The following EVI5 variants were observed in gnomAD, a reference collection of about 807,000 sequenced individuals.
EVI5 encodes ecotropic viral integration site 5, also known as ecotropic viral integration site 5 protein homolog.
A neutral mutation model predicts 112.0 loss-of-function variants in EVI5; 73 were observed. The observed-to-expected ratio is 0.65, with a 90% confidence interval of 0.54 to 0.79. The LOEUF (loss-of-function observed/expected upper bound fraction) is 0.79, where lower values mean the gene tolerates loss of function less well. EVI5 is among the 30% of genes least tolerant of loss of function. The pLI is 0.00. For synonymous variants in EVI5, 305 were observed against 319.9 expected (o/e 0.95, Z 0.50); for missense variants, 900 against 968.8 (o/e 0.93, Z 0.94).
chr1:92,519,250 T>C (rs1660460421), intron 19 of EVI5, among the ~76,000 whole-genome samples: 1 of 152,124 alleles, frequency 6.6e-6, no homozygotes, highest in East Asian at 1.9e-4. Flanking sequence ...AAGGGAATCA[T>C]CCCTAGGGTA....
At chr1:92,665,843 G>T (rs980643942) in intron 11 of EVI5, 96 bp downstream of exon 11, 21 of 794,370 alleles carry the variant, frequency 2.6e-5, no homozygotes, top group Non-Finnish European at 4.2e-5. Context: ...CTACAACATA[G>T]GAGACATGTG....
chr1:92,751,402 A>G (rs985124242), intron 1 of EVI5, among the ~76,000 whole-genome samples: 2 of 152,180 alleles, frequency 1.3e-5, no homozygotes. Flanking sequence ...AGCATATCAC[A>G]TGTGCTATCA....
chr1:92,768,368 A>C (rs1194232503), intron 1 of EVI5, among the ~76,000 whole-genome samples: 1 of 152,184 alleles, frequency 6.6e-6, no homozygotes, highest in Non-Finnish European at 1.5e-5. Context: ...TAAATCTGAT[A>C]ATATTAAAGG....
At chr1:92,688,758 C>G (rs1325472901) in intron 9 of EVI5, among the ~76,000 whole-genome samples, 3 of 152,170 alleles carry the variant, frequency 2.0e-5, no homozygotes, top group Non-Finnish European at 2.9e-5. Flanking sequence ...TGAAGACATA[C>G]GGGTTAGGTA....
At chr1:92,769,968 TGA>T (rs1683150697) in intron 1 of EVI5, among the ~76,000 whole-genome samples, 2 of 152,130 alleles carry the variant, frequency 1.3e-5, no homozygotes, top group Non-Finnish European at 2.9e-5. Context: ...TAAGTCTTTA[TGA>T]GAGAGAAAAC....
chr1:92,591,080 A>G (rs892328854), intron 18 of EVI5, among the ~76,000 whole-genome samples: 2 of 152,194 alleles, frequency 1.3e-5, no homozygotes, highest in African/African-American at 4.8e-5. Context: ...CTTTGTCACC[A>G]CCAGGCCTGC....
intron 12 of EVI5, 33 bp from the exon 13 acceptor site, chr1:92,662,898 T>C (rs1664261239): frequency 1.6e-6 from 2 of 1,221,508 alleles, no homozygotes; most frequent in Non-Finnish European, 2.1e-6. Context: ...TGTAAAGCAA[T>C]TTAGGATAGA....
intron 11 of EVI5, among the ~76,000 whole-genome samples, chr1:92,665,103 G>T (rs1221195550): frequency 1.3e-5 from 2 of 152,162 alleles, no homozygotes; most frequent in African/African-American, 4.8e-5. Context: ...TACTCAGGAG[G>T]CTGAGGCAGG....
intron 18 of EVI5, among the ~76,000 whole-genome samples, chr1:92,574,006 T>C (rs949795354): frequency 7.2e-5 from 11 of 152,134 alleles, no homozygotes; most frequent in African/African-American, 2.7e-4. Flanking sequence ...ATGAATCTTA[T>C]TTTCTAACCT....
intron 1 of EVI5, among the ~76,000 whole-genome samples, chr1:92,783,108 ACCGCAC>A (rs1685076014): frequency 6.6e-6 from 1 of 152,166 alleles, no homozygotes; most frequent in Admixed American, 6.6e-5. Flanking sequence ...TGCGTGAGCC[ACCGCAC>A]CCAGACCACC....
intron 19 of EVI5, among the ~76,000 whole-genome samples, chr1:92,550,887 C>A (rs1304472420): frequency 2.4e-5 from 3 of 122,994 alleles, no homozygotes; most frequent in Non-Finnish European, 4.9e-5. Flanking sequence ...TTAAGAAAAT[C>A]AATATTCAGG....
At chr1:92,578,561 A>G (rs1161193816) in intron 18 of EVI5, among the ~76,000 whole-genome samples, 1 of 152,030 alleles carries the variant, frequency 6.6e-6, no homozygotes, top group Non-Finnish European at 1.5e-5. Context: ...TAAACAAAAT[A>G]CAAAAAATTA....
chr1:92,562,375 C>CA (rs1299607724), intron 19 of EVI5, among the ~76,000 whole-genome samples: 1 of 151,894 alleles, frequency 6.6e-6, no homozygotes, highest in East Asian at 1.9e-4. Context: ...TAAAAAAATA[C>CA]AAAAAATTAG....
At chr1:92,756,450 T>C in intron 1 of EVI5, 1 of 539,952 alleles carries the variant, frequency 1.9e-6, no homozygotes, top group Non-Finnish European at 3.8e-6. Flanking sequence ...TCGAGGATTA[T>C]ACTTCGTCTT....
intron 18 of EVI5, among the ~76,000 whole-genome samples, chr1:92,586,136 C>T (rs1372789641): frequency 6.6e-6 from 1 of 152,142 alleles, no homozygotes; most frequent in African/African-American, 2.4e-5. Flanking sequence ...AGGGTATGTA[C>T]TATCAGTGTA....
chr1:92,640,352 C>T (rs1423751573), intron 13 of EVI5, among the ~76,000 whole-genome samples: 2 of 152,188 alleles, frequency 1.3e-5, no homozygotes, highest in Non-Finnish European at 2.9e-5. Flanking sequence ...TTTTTGCAAT[C>T]TACCCATCTG....
intron 18 of EVI5, among the ~76,000 whole-genome samples, chr1:92,597,268 T>C (rs1262176195): frequency 1.3e-5 from 2 of 152,208 alleles, no homozygotes; most frequent in East Asian, 3.8e-4. Flanking sequence ...ATATGTCATA[T>C]TTATTTTTGC....
At position 92,585,852 on chromosome 1, in the gene EVI5, GT is replaced by G. The variant is rs74771891; in HGVS notation, c.2070+19454del. The stretch of plus-strand genomic sequence containing the variant: ...TTCCTTTGCCTTTGTTTTTTAACCT[GT>G]TTTTTTTTTTTCCTGTTTCTAGAAT... On this transcript the variant is annotated intron_variant, in intron 18 of 19. Coordinates refer to ENST00000684568, the MANE Select transcript of EVI5 (RefSeq NM_001350197.2). Among the ~76,000 whole-genome samples the G allele has an allele frequency of 3.9e-3, 544 of 140,650 alleles. 3 individuals carry two copies. Among genetic ancestry groups the G allele is most frequent in the Middle Eastern group, 0.015 (4 of 264 alleles). 92.3% of individuals were successfully genotyped at this position (140,650 alleles called of 152,430 possible).
chr1:92,683,777 G>A (rs1046982643), intron 9 of EVI5, among the ~76,000 whole-genome samples: 5 of 152,114 alleles, frequency 3.3e-5, no homozygotes. Context: ...AGCTTCAATA[G>A]TTGATTCGAT....
Sources: gnomAD v4.1 joint callset for allele counts (sites outside exome capture counted in the v4.1 genomes callset) on GRCh38, gnomAD v4.1.1 for gene constraint, MANE v1.5 for transcripts, NCBI Gene and HGNC (gene_info 2026-07-23, HGNC 2026-07-21) for gene names.